DLGAP1: variants seen among roughly 807,000 people sequenced by gnomAD.
The protein encoded by DLGAP1 is disks large-associated protein 1.
A neutral mutation model predicts 90.8 loss-of-function variants in DLGAP1; 11 were observed. The observed-to-expected ratio is 0.12, with a 90% CI of 0.08 to 0.20. DLGAP1 has a LOEUF of 0.20. Ranked by LOEUF, DLGAP1 falls within the 10% of genes least tolerant of loss-of-function variation. DLGAP1 has a pLI of 1.00. For missense variants in DLGAP1, 1,050 were observed against 1,333.8 expected (o/e 0.79, Z 3.31); for synonymous variants, 558 against 540.7 (o/e 1.03, Z -0.44).
intron 1 of DLGAP1, among the ~76,000 whole-genome samples, chr18:4,353,071 G>A (rs2144002517): frequency 6.6e-6 from 1 of 152,252 alleles, no homozygotes; most frequent in South Asian, 2.1e-4. Flanking sequence ...CCCTGGCTCA[G>A]CAAACTCTTC....
chr18:4,329,682 C>T (rs1211514762), intron 1 of DLGAP1, among the ~76,000 whole-genome samples: 3 of 151,894 alleles, frequency 2.0e-5, no homozygotes, highest in Non-Finnish European at 4.4e-5. Flanking sequence ...GTTATGTTTT[C>T]AGTCTATAGA....
At chr18:4,349,786 C>T (rs1336207387) in intron 1 of DLGAP1, among the ~76,000 whole-genome samples, 1 of 151,958 alleles carries the variant, frequency 6.6e-6, no homozygotes, top group African/African-American at 2.4e-5. Flanking sequence ...TTAATCAGGA[C>T]AAGTAACAGA....
intron 7 of DLGAP1, among the ~76,000 whole-genome samples, chr18:3,621,629 A>G (rs2058098500): frequency 2.6e-5 from 4 of 152,104 alleles, no homozygotes; most frequent in Admixed American, 1.3e-4. Context: ...TCTGTTTTCT[A>G]TATGTTACTT....
chr18:4,110,907 A>G (rs1265410713), intron 2 of DLGAP1, among the ~76,000 whole-genome samples: 1 of 152,216 alleles, frequency 6.6e-6, no homozygotes, highest in Non-Finnish European at 1.5e-5. Context: ...ACTGGCCAAC[A>G]GCACCATGCT....
intron 3 of DLGAP1, among the ~76,000 whole-genome samples, chr18:3,916,420 G>C (rs370430951): frequency 1.2e-4 from 18 of 152,076 alleles, no homozygotes; most frequent in Admixed American, 6.5e-4. Context: ...CTTTCAAATG[G>C]GGACTATGAA....
At chr18:4,074,740 C>G (rs1310809440) in intron 2 of DLGAP1, among the ~76,000 whole-genome samples, 3 of 152,110 alleles carry the variant, frequency 2.0e-5, no homozygotes, top group Non-Finnish European at 4.4e-5. Context: ...TGAACAAACA[C>G]AACATGCAGT....
intron 2 of DLGAP1, among the ~76,000 whole-genome samples, chr18:4,083,682 G>A (rs988894778): frequency 6.6e-6 from 1 of 152,076 alleles, no homozygotes; most frequent in African/African-American, 2.4e-5. Context: ...CTCCGTGCAG[G>A]GCATGTGATG....
At chr18:4,312,359 T>G (rs2080421974) in intron 1 of DLGAP1, among the ~76,000 whole-genome samples, 1 of 152,190 alleles carries the variant, frequency 6.6e-6, no homozygotes, top group Admixed American at 6.5e-5. Context: ...ACACCAAGAT[T>G]ATACAATACT....
At chr18:4,340,072 A>T (rs1260659929) in intron 1 of DLGAP1, among the ~76,000 whole-genome samples, 1 of 152,190 alleles carries the variant, frequency 6.6e-6, no homozygotes, top group Non-Finnish European at 1.5e-5. Context: ...CTATATACAC[A>T]ATGTTTTTCC....
chr18:4,292,254 T>A (rs947342306), intron 1 of DLGAP1, among the ~76,000 whole-genome samples: 2 of 152,086 alleles, frequency 1.3e-5, no homozygotes, highest in Admixed American at 6.6e-5. Flanking sequence ...TACAAAAAAA[T>A]TCCACTTTAT....
chr18:4,292,527 T>A (rs1374951429), intron 1 of DLGAP1, among the ~76,000 whole-genome samples: 1 of 152,092 alleles, frequency 6.6e-6, no homozygotes, highest in Non-Finnish European at 1.5e-5. Flanking sequence ...TTATCTTTGC[T>A]CATATTATAA....
chr18:4,174,127 G>A (rs1050104938), intron 1 of DLGAP1, among the ~76,000 whole-genome samples: 2 of 152,018 alleles, frequency 1.3e-5, no homozygotes, highest in Non-Finnish European at 2.9e-5. Flanking sequence ...CAGTGCTTCA[G>A]GGCATTAGTC....
In DLGAP1 at chr18:3,765,390, A is replaced by G. The variant is rs548059875; in HGVS notation, c.1173-22878T>C. On this transcript the variant is annotated intron_variant, in intron 5 of 12. Coordinates refer to ENST00000315677, the MANE Select transcript of DLGAP1 (RefSeq NM_004746.4). ...CATGATCTGCCCACCTTGGCCTCCC[A>G]AAGTGCTGGGATTACAGGCGTGAGC... 4.6e-4 allele frequency among the ~76,000 whole-genome samples: 69 copies of G among 151,406 alleles called. 1 individual carries two copies. The highest frequency in any genetic ancestry group is 1.6e-3 in the African/African-American group (66 of 41,354).
Position 3,927,225 on chromosome 18 carries a change from G to C in DLGAP1, c.-72-47085C>G, listed in dbSNP as rs143469289. Reference sequence around the variant, plus strand: ...ATTCAATGGATGCTAAAACTAGTGGGTGAAAGTGGGTGAGTAACAGTATAT... The same window carrying C: ...ATTCAATGGATGCTAAAACTAGTGGCTGAAAGTGGGTGAGTAACAGTATAT... On this transcript the variant is annotated intron_variant, in intron 3 of 12. Coordinates refer to ENST00000315677, the MANE Select transcript of DLGAP1 (RefSeq NM_004746.4). Among the ~76,000 whole-genome samples the C allele has an allele frequency of 2.6e-3, 396 of 152,326 alleles. 1 individual carries two copies. The highest frequency in any genetic ancestry group is 0.014 in the Middle Eastern group (4 of 294).
In DLGAP1 at chr18:4,427,550, G is replaced by A. The variant is rs2083184430; in HGVS notation, c.-267+27456C>T. Among the ~76,000 whole-genome samples, 3 of 152,154 alleles carry A rather than the reference G, an allele frequency of 2.0e-5. No individual in the cohort carries two copies. In the South Asian group the frequency reaches 6.2e-4, roughly 31 times the overall value. ...TTGGCATGGCAACTAGCAAATCTCA[G>A]AACCTGAAATTTAGATTGAGTCCCT... is the stretch of plus-strand genomic sequence containing the variant. On this transcript the variant is annotated intron_variant, in intron 1 of 12. Transcript: ENST00000315677.
At chr18:4,440,492 T>C (rs886908694) in intron 1 of DLGAP1, among the ~76,000 whole-genome samples, 2 of 152,212 alleles carry the variant, frequency 1.3e-5, no homozygotes, top group African/African-American at 4.8e-5. Context: ...TATCGGTACA[T>C]TACTTTTACT....
chr18:4,165,323 G>T (rs1232733345), intron 1 of DLGAP1, among the ~76,000 whole-genome samples: 1 of 152,096 alleles, frequency 6.6e-6, no homozygotes, highest in African/African-American at 2.4e-5. Context: ...GTGGCAAAAC[G>T]GTTTTCAAGT....
chr18:4,428,482 T>A (rs975341012), intron 1 of DLGAP1, among the ~76,000 whole-genome samples: 33 of 152,124 alleles, frequency 2.2e-4, no homozygotes, highest in African/African-American at 7.7e-4. Flanking sequence ...CTTGGGAGGC[T>A]GAGCCATGAG....
chr18:3,968,915 A>G (rs958976442), intron 3 of DLGAP1, among the ~76,000 whole-genome samples: 7 of 152,126 alleles, frequency 4.6e-5, no homozygotes, highest in African/African-American at 1.7e-4. Flanking sequence ...AACAAACAAA[A>G]CTATTGATTT....
Sources: allele counts gnomAD v4.1 joint callset (sites outside exome capture counted in the v4.1 genomes callset), GRCh38; gene constraint gnomAD v4.1.1; transcripts MANE v1.5; gene names NCBI Gene and HGNC (gene_info 2026-07-23, HGNC 2026-07-21).